DOCK8: variants seen among roughly 807,000 people sequenced by gnomAD.
The protein encoded by DOCK8 is dedicator of cytokinesis 8.
Under a neutral mutation model 245.6 loss-of-function variants are expected in DOCK8, and 141 were observed. The observed-to-expected ratio is 0.57, with a 90% CI of 0.50 to 0.66. The LOEUF (loss-of-function observed/expected upper bound fraction) is 0.66. Ranked by LOEUF, DOCK8 falls within the 30% of genes least tolerant of loss-of-function variation. DOCK8 has a pLI of 0.00. For missense variants in DOCK8, 2,965 were observed against 2,603.4 expected (o/e 1.14, Z -3.02); for synonymous variants, 1,168 against 970.2 (o/e 1.20, Z -3.79).
At chr9:446,648 T>C (rs2131844635) in intron 44 of DOCK8, 42 bp downstream of exon 44, 1 of 1,592,088 alleles carries the variant, frequency 6.3e-7, no homozygotes. Context: ...ATGAGTGGGC[T>C]GGGTGGCCTC....
In DOCK8 at chr9:377,799, C is replaced by T. The variant is rs569830506; in HGVS notation, c.2440+588C>T. Among the ~76,000 whole-genome samples the T allele has an allele frequency of 2.0e-4, 31 of 152,336 alleles. No individual in the cohort carries two copies. In the South Asian group the frequency reaches 6.0e-3, roughly 30 times the overall value. ...CCTAGAACTCATCCGTTCTCTCTTA[C>T]AGTCTATTTTAAATGCTTACTTTTA... On this transcript the variant is annotated intron_variant, in intron 20 of 47. Transcript: ENST00000432829.
At chr9:397,119 T>G (rs2054498568) in intron 25 of DOCK8, among the ~76,000 whole-genome samples, 185 bp downstream of exon 25, 1 of 152,120 alleles carries the variant, frequency 6.6e-6, no homozygotes, top group Non-Finnish European at 1.5e-5. Flanking sequence ...ATAAACAAAT[T>G]ACACACATGA....
Position 317,176 on chromosome 9 carries a change from T to G in DOCK8, c.827+48T>G, listed in dbSNP as rs778921706. ...CCACCGCTTTGAGATTTATCTTGCCTTTTACATACAAATGTTGTGTTTATT... is the reference window on the plus strand; with the variant it reads ...CCACCGCTTTGAGATTTATCTTGCCGTTTACATACAAATGTTGTGTTTATT... On this transcript the variant is annotated intron_variant, in intron 7 of 47. Transcript: ENST00000432829. 5.0e-6 allele frequency: 7 copies of G among 1,388,876 alleles called. No homozygotes were observed. In the South Asian group the frequency reaches 8.2e-5, roughly 16 times the overall value. The allele number at this position is 1,388,876 out of a possible 1,614,324, so 86.0% of individuals were successfully genotyped here.
intron 17 of DOCK8, 135 bp downstream of exon 17, chr9:371,701 A>G: frequency 1.7e-6 from 2 of 1,194,398 alleles, no homozygotes; most frequent in Non-Finnish European, 2.4e-6. Flanking sequence ...GCCACATTAT[A>G]GCAAGAGGCA....
intron 1 of DOCK8, chr9:220,830 C>A: frequency 2.9e-6 from 1 of 340,038 alleles, no homozygotes; most frequent in South Asian, 2.2e-5. Flanking sequence ...AAGCGATTCT[C>A]CTGCCTCAGC....
At chr9:447,106 T>C (rs1469063700) in intron 44 of DOCK8, among the ~76,000 whole-genome samples, 1 of 152,128 alleles carries the variant, frequency 6.6e-6, no homozygotes, top group African/African-American at 2.4e-5. Flanking sequence ...CCTAGCTTCC[T>C]CCTGTGATTT....
chr9:216,902 T>A (rs915956024), intron 1 of DOCK8, among the ~76,000 whole-genome samples: 12 of 152,156 alleles, frequency 7.9e-5, no homozygotes, highest in Non-Finnish European at 1.3e-4. Context: ...CTGGTTAGTG[T>A]CTGATCTGCT....
chr9:373,330 C>T (rs144586524), intron 18 of DOCK8, among the ~76,000 whole-genome samples: 1,890 of 152,316 alleles, frequency 0.012, 20 homozygotes, highest in Non-Finnish European at 0.02. Flanking sequence ...TTTTAGTCTG[C>T]ATCTTAAAAG....
At chr9:277,556 A>T (rs1444729607) in intron 2 of DOCK8, among the ~76,000 whole-genome samples, 1 of 151,446 alleles carries the variant, frequency 6.6e-6, no homozygotes, top group African/African-American at 2.4e-5. Context: ...AAAGGAGGGG[A>T]GGGGAGGCGA....
chr9:215,303 C>A (rs1447375240), intron 1 of DOCK8: 1 of 1,606,758 alleles, frequency 6.2e-7, no homozygotes, highest in South Asian at 1.1e-5. Flanking sequence ...ACAACCTCGC[C>A]CGCTCCGCCC....
chr9:361,493 G>T (rs1313025667), intron 14 of DOCK8, among the ~76,000 whole-genome samples: 1 of 152,128 alleles, frequency 6.6e-6, no homozygotes, highest in Non-Finnish European at 1.5e-5. Flanking sequence ...TTAAGACCTG[G>T]CTCCAGCCGT....
chr9:314,819 TC>T (rs2050275022), intron 6 of DOCK8, among the ~76,000 whole-genome samples: 2 of 149,596 alleles, frequency 1.3e-5, no homozygotes, highest in African/African-American at 5.0e-5. Context: ...TTTAAATATA[TC>T]ATTACTTGAT....
chr9:334,439 G>C, intron 11 of DOCK8, 55 bp downstream of exon 11: 1 of 1,579,578 alleles, frequency 6.3e-7, no homozygotes, highest in South Asian at 1.1e-5. Context: ...GCGCTGCCCA[G>C]GTCCACAGCT....
intron 45 of DOCK8, among the ~76,000 whole-genome samples, chr9:451,552 A>G (rs1309676982): frequency 6.6e-6 from 1 of 151,774 alleles, no homozygotes; most frequent in African/African-American, 2.4e-5. Context: ...GAGCCTGGGA[A>G]GTGGAGGCTG....
intron 33 of DOCK8, among the ~76,000 whole-genome samples, chr9:422,389 C>A (rs567973565): frequency 6.6e-6 from 1 of 152,226 alleles, no homozygotes; most frequent in Admixed American, 6.5e-5. Flanking sequence ...CCTCAGATGG[C>A]TTAATAAAAG....
intron 1 of DOCK8, 119 bp from the exon 2 acceptor site, chr9:271,508 T>TTCTGCTCA: frequency 3.9e-6 from 3 of 767,744 alleles, no homozygotes. Context: ...TCTTAGTCAG[T>TTCTGCTCA]TCTGCTCATT....
chr9:328,171 G>A lies in DOCK8; in HGVS notation c.1044G>A (p.Lys348=). The A allele has an allele frequency of 6.2e-7, 1 of 1,613,344 alleles. No individual in the cohort carries two copies. Among genetic ancestry groups the A allele is most frequent in the Non-Finnish European group, 8.5e-7 (1 of 1,179,620 alleles). ...CCTCAGACATCTACCTGGTAGTCAA[G>A]GTAATTCAGTACGATCTGATTTGCC... The part of the protein sequence containing the change: ...YPSSDIYLVV[K]IEKVLQQGEI... Residue 348 remains lysine, a splice_region_variant and synonymous_variant, in exon 9 of 48, where the codon AAG becomes AAA. Coordinates refer to ENST00000432829, the MANE Select transcript of DOCK8 (RefSeq NM_203447.4).
rs1433756474 is a variant in DOCK8 at position 215,137 on chromosome 9, G to A, written c.53+108G>A. The A allele has an allele frequency of 1.1e-5, 16 of 1,465,860 alleles. No individual in the cohort carries two copies. The East Asian group carries it at 4.4e-4, about 41-fold the overall frequency. The allele number at this position is 1,465,860 out of a possible 1,614,324, so 90.8% of individuals were successfully genotyped here. ...GCCGGACGAGTCCATTCGCGTCCGC[G>A]GCGGGGCGCGCCTGAGACCTGGGGC... On this transcript the variant is annotated intron_variant, in intron 1 of 47. Transcript: ENST00000432829.
chr9:415,039 T>G, intron 29 of DOCK8, 88 bp downstream of exon 29: 2 of 1,542,162 alleles, frequency 1.3e-6, no homozygotes, highest in Non-Finnish European at 1.8e-6. Context: ...TTCGTTCCAG[T>G]GCTGATATGT....
Sources: allele counts gnomAD v4.1 joint callset (sites outside exome capture counted in the v4.1 genomes callset), GRCh38; gene constraint gnomAD v4.1.1; transcripts MANE v1.5; gene names NCBI Gene and HGNC (gene_info 2026-07-23, HGNC 2026-07-21).